ABCC1: variants seen among roughly 807,000 people sequenced by gnomAD.
The protein encoded by ABCC1 is multidrug resistance-associated protein 1.
In ABCC1, 83 loss-of-function variants were observed where a neutral mutation model predicts 172.9. That is an observed-to-expected ratio of 0.48 (90% confidence interval 0.40 to 0.58). The LOEUF is 0.58. Among genes scored for constraint, ABCC1 ranks in the 20% least tolerant of loss-of-function variants. The pLI is 0.00. For missense variants in ABCC1, 1,817 were observed against 2,002.7 expected, an observed-to-expected ratio of 0.91 and a Z score of 1.77; for synonymous variants, 937 against 825.2, an observed-to-expected ratio of 1.14 and a Z score of -2.32.
At chr16:15,953,885 C>G (rs2045930634) in intron 1 of ABCC1, among the ~76,000 whole-genome samples, 1 of 152,076 alleles carries the variant, frequency 6.6e-6, no homozygotes, top group African/African-American at 2.4e-5. Flanking sequence ...TGGTTTAATT[C>G]TTCCCCTTGG....
At chr16:16,127,733 A>G (rs2045496904) in intron 26 of ABCC1, among the ~76,000 whole-genome samples, 1 of 152,028 alleles carries the variant, frequency 6.6e-6, no homozygotes. Flanking sequence ...TGTCCTCCTG[A>G]GGAATTCACA....
chr16:15,974,818 A>C (rs1348826888), intron 1 of ABCC1, among the ~76,000 whole-genome samples: 1 of 152,116 alleles, frequency 6.6e-6, no homozygotes, highest in East Asian at 1.9e-4. Flanking sequence ...ACAGAGTCTC[A>C]CTCTGTCGCC....
At chr16:15,979,441 G>A (rs1362335554) in intron 1 of ABCC1, among the ~76,000 whole-genome samples, 1 of 152,164 alleles carries the variant, frequency 6.6e-6, no homozygotes, top group Non-Finnish European at 1.5e-5. Context: ...GCTAAAGGCA[G>A]CACGTGTAAG....
Position 16,052,747 on chromosome 16 carries a change from T to G in ABCC1, c.1404T>G (p.Ala468=). 5.0e-6 allele frequency: 8 copies of G among 1,614,152 alleles called. No homozygotes were observed. Among genetic ancestry groups the G allele is most frequent in the Non-Finnish European group, 6.8e-6 (8 of 1,180,022 alleles). The stretch of plus-strand genomic sequence containing the variant: ...AGAATCTGGGCCCTTCCGTCCTGGC[T>G]GGAGTGGCGGTGATGGTCCTCATGG... ...LWLNLGPSVL[A]GVAVMVLMVP... is the part of the protein sequence containing the mutation. Residue 468 remains alanine (A), a synonymous_variant, in exon 11 of 31, where the codon GCT becomes GCG. Coordinates refer to ENST00000399410, the MANE Select transcript of ABCC1 (RefSeq NM_004996.4).
intron 3 of ABCC1, among the ~76,000 whole-genome samples, chr16:16,010,262 C>A (rs905473300): frequency 4.0e-5 from 6 of 151,860 alleles, no homozygotes; most frequent in African/African-American, 1.5e-4. Flanking sequence ...ACTGTGTTGT[C>A]TAGGCTGGTC....
intron 22 of ABCC1, 105 bp from the exon 23 acceptor site, chr16:16,114,661 G>T (rs569701050): frequency 1.3e-5 from 13 of 990,496 alleles, no homozygotes; most frequent in Non-Finnish European, 1.9e-5. Context: ...ATTATTATTA[G>T]AAGTTGGGAG....
chr16:16,116,047 C>T (rs1203420203), intron 23 of ABCC1, among the ~76,000 whole-genome samples: 5 of 151,712 alleles, frequency 3.3e-5, no homozygotes, highest in Middle Eastern at 3.4e-3. Flanking sequence ...GGACTACAGG[C>T]GCCCGCCACT....
chr16:16,086,933 A>G lies in ABCC1; in HGVS notation c.2402A>G (p.His801Arg), dbSNP rs775242422. ...GATCCCCTCTCAGCAGTGGATGCCCATGTGGGAAAACACATCTTTGAAAAT... is the reference window on the plus strand; with the variant it reads ...GATCCCCTCTCAGCAGTGGATGCCCGTGTGGGAAAACACATCTTTGAAAAT... ...FDDPLSAVDA[H>R]VGKHIFENVI... Residue 801 changes from histidine (H) to arginine (R), a missense_variant, in exon 18 of 31, where the codon CAT becomes CGT. This residue lies in a region of ABCC1 where 1,412 missense variants were observed against 1,600.3 expected (regional missense o/e 0.88). Transcript: ENST00000399410. 6.2e-7 allele frequency: 1 copy of G among 1,614,200 alleles called. No individual in the cohort carries two copies. Among genetic ancestry groups the G allele is most frequent in the South Asian group, 1.1e-5 (1 of 91,090 alleles).
chr16:15,962,674 G>T (rs140220063), intron 1 of ABCC1, among the ~76,000 whole-genome samples: 2 of 152,190 alleles, frequency 1.3e-5, no homozygotes, highest in Admixed American at 1.3e-4. Context: ...AGAAAAGCCG[G>T]TATAAAACCA....
At chr16:16,074,995 G>C (rs948464690) in intron 14 of ABCC1, among the ~76,000 whole-genome samples, 1 of 145,176 alleles carries the variant, frequency 6.9e-6, no homozygotes, top group Non-Finnish European at 1.5e-5. Context: ...TGCCCAGGCT[G>C]GAGTGCAATG....
In ABCC1 at chr16:16,033,108, G is replaced by A. The variant is rs746985426; in HGVS notation, c.616-1G>A. 2.5e-6 allele frequency: 4 copies of A among 1,613,956 alleles called. No individual in the cohort carries two copies. Among genetic ancestry groups the A allele is most frequent in the Non-Finnish European group, 3.4e-6 (4 of 1,179,986 alleles). ...CCAAACCTGTGCTTTCTTTCCACTA[G>A]AATCCCTGCCCAGAGTCCAGCGCTT... On this transcript the variant is annotated splice_acceptor_variant, in intron 5 of 30. Coordinates refer to ENST00000399410, the MANE Select transcript of ABCC1 (RefSeq NM_004996.4). LOFTEE classifies it high-confidence loss of function.
At chr16:15,971,909 GGAAGGGA>G (rs943520334) in intron 1 of ABCC1, among the ~76,000 whole-genome samples, 1 of 152,126 alleles carries the variant, frequency 6.6e-6, no homozygotes. Flanking sequence ...TAGGCAAGAA[GGAAGGGA>G]GAAGGAAGAA....
At position 16,142,135 on chromosome 16, in the gene ABCC1, C is replaced by G. The variant is rs972965665; in HGVS notation, c.*854C>G. The G allele has an allele frequency of 7.0e-6, 1 of 143,656 alleles. No homozygotes were observed. Among genetic ancestry groups the G allele is most frequent in the African/African-American group, 2.5e-5 (1 of 39,680 alleles). The allele number at this position is 143,656 out of a possible 1,614,324, so 8.9% of individuals were successfully genotyped here. A position where few individuals can be genotyped will look rare whatever the true frequency, so the allele number is the denominator to read the frequency against. On this transcript the variant is annotated 3_prime_UTR_variant, in exon 31 of 31. Coordinates refer to ENST00000399410, the MANE Select transcript of ABCC1 (RefSeq NM_004996.4). The stretch of plus-strand genomic sequence containing the variant: ...TTCAACATTGTAAGAACAATCAATG[C>G]TGTTATTACTGTTCCCACCATGATT...
At chr16:16,091,404 C>CA (rs10648689) in intron 19 of ABCC1, among the ~76,000 whole-genome samples, 13,470 of 108,604 alleles carry the variant, frequency 0.12, 1,273 homozygotes, top group African/African-American at 0.28. Flanking sequence ...CCCAACTCTA[C>CA]AAAAAAAAAA....
intron 23 of ABCC1, among the ~76,000 whole-genome samples, chr16:16,120,569 C>T (rs921884604): frequency 6.6e-5 from 10 of 152,062 alleles, no homozygotes; most frequent in East Asian, 1.9e-4. Flanking sequence ...CATCGTAGCC[C>T]GGGAGCTGGG....
At chr16:16,115,225 T>C in intron 23 of ABCC1, 149 bp downstream of exon 23, 1 of 925,310 alleles carries the variant, frequency 1.1e-6, no homozygotes, top group Non-Finnish European at 1.5e-6. Flanking sequence ...ATACCTAAAT[T>C]GTTTTTTTGC....
At position 15,982,803 on chromosome 16, in the gene ABCC1, CAAA is replaced by C. The variant is rs148834444; in HGVS notation, c.49-24994_49-24992del. On this transcript the variant is annotated intron_variant, in intron 1 of 30. Transcript: ENST00000399410. ...TCTGGGCAACAGAGTGAGACGCTGT[CAAA>C]AAAAAAAAAAAAAAAAAAGGAAATC... Among the ~76,000 whole-genome samples the C allele has an allele frequency of 7.4e-3, 322 of 43,222 alleles. 3 individuals are homozygous for C. Among genetic ancestry groups the C allele is most frequent in the African/African-American group, 0.02 (242 of 11,938 alleles). 28.4% of individuals were successfully genotyped at this position (43,222 alleles called of 152,430 possible).
chr16:16,035,493 T>C (rs531937419), intron 6 of ABCC1, among the ~76,000 whole-genome samples: 8 of 15,118 alleles, frequency 5.3e-4, no homozygotes, highest in African/African-American at 1.1e-3. Context: ...CTTCAGCCTA[T>C]TTTTTTTTTT....
chr16:15,998,162 C>G (rs2047123332), intron 1 of ABCC1, among the ~76,000 whole-genome samples: 2 of 58,690 alleles, frequency 3.4e-5, no homozygotes, highest in African/African-American at 6.1e-5. Flanking sequence ...TACTCTGTCA[C>G]CCAGGCTGGA....
Sources: gnomAD v4.1 joint callset for allele counts (sites outside exome capture counted in the v4.1 genomes callset) on GRCh38, gnomAD v4.1.1 for gene constraint, gnomAD v4.1.1 regional missense constraint, MANE v1.5 for transcripts, NCBI Gene and HGNC (gene_info 2026-07-23, HGNC 2026-07-21) for gene names.